The following IL1RAPL1 variants were observed in gnomAD, a reference collection of about 807,000 sequenced individuals.
IL1RAPL1 encodes the protein interleukin-1 receptor accessory protein-like 1.
A neutral mutation model predicts 48.4 loss-of-function variants in IL1RAPL1; 3 were observed. The ratio of observed to expected loss-of-function variants is 0.06; its 90% CI spans 0.03 to 0.16. The LOEUF (loss-of-function observed/expected upper bound fraction) is 0.16, where lower values mean the gene tolerates loss of function less well. IL1RAPL1 is among the 10% of genes least tolerant of loss of function. IL1RAPL1 has a pLI of 1.00. For missense variants in IL1RAPL1, 349 were observed against 530.6 expected (o/e 0.66, Z 3.36); for synonymous variants, 185 against 187.7 (o/e 0.99, Z 0.12).
At chrX:28,909,988 G>C (rs1188605659) in intron 2 of IL1RAPL1, among the ~76,000 whole-genome samples, 1 of 111,347 alleles carries the variant, frequency 9.0e-6, no homozygotes, top group East Asian at 2.8e-4. Context: ...GTGAAATTTG[G>C]AGTATTGTAT....
chrX:29,767,307 A>G (rs1928938883), intron 6 of IL1RAPL1, among the ~76,000 whole-genome samples: 2 of 112,058 alleles, frequency 1.8e-5, no homozygotes, highest in Non-Finnish European at 3.8e-5. Flanking sequence ...TATTTTACCC[A>G]TAATACTGCA....
chrX:29,291,634 T>G (rs1932373215), intron 3 of IL1RAPL1, among the ~76,000 whole-genome samples: 1 of 110,777 alleles, frequency 9.0e-6, no homozygotes, highest in Admixed American at 9.7e-5. Context: ...CAACTCCCAC[T>G]TCTTAATTAG....
At chrX:29,715,187 G>A (rs934425629) in intron 6 of IL1RAPL1, among the ~76,000 whole-genome samples, 4 of 111,394 alleles carry the variant, frequency 3.6e-5, no homozygotes, top group African/African-American at 1.3e-4. Flanking sequence ...GGAGTTTTGG[G>A]TTATAACTCA....
chrX:28,881,915 A>C (rs1439855869), intron 2 of IL1RAPL1, among the ~76,000 whole-genome samples: 1 of 110,642 alleles, frequency 9.0e-6, no homozygotes, highest in Non-Finnish European at 1.9e-5. Context: ...CAATATGTGT[A>C]TTATGGATGT....
At chrX:29,223,525 A>G (rs1931022169) in intron 2 of IL1RAPL1, among the ~76,000 whole-genome samples, 1 of 107,947 alleles carries the variant, frequency 9.3e-6, no homozygotes, top group Non-Finnish European at 1.9e-5. Context: ...ACATGTTACT[A>G]TATTGCAAAT....
At chrX:29,735,053 T>C (rs977548830) in intron 6 of IL1RAPL1, among the ~76,000 whole-genome samples, 1 of 112,307 alleles carries the variant, frequency 8.9e-6, no homozygotes, top group South Asian at 3.7e-4. Flanking sequence ...AATATTCCAA[T>C]TTATTATTTT....
intron 5 of IL1RAPL1, among the ~76,000 whole-genome samples, chrX:29,449,121 T>C (rs1331029284): frequency 9.0e-6 from 1 of 111,456 alleles, no homozygotes; most frequent in Non-Finnish European, 1.9e-5. Flanking sequence ...TTTACAACGA[T>C]CCAATGAAAG....
chrX:28,907,586 G>A (rs777443827), intron 2 of IL1RAPL1, among the ~76,000 whole-genome samples: 1 of 112,723 alleles, frequency 8.9e-6, no homozygotes, highest in South Asian at 3.6e-4. Context: ...AACCAGCATT[G>A]CATACCTGGT....
intron 6 of IL1RAPL1, among the ~76,000 whole-genome samples, chrX:29,866,826 C>T (rs1312577607): frequency 9.2e-6 from 1 of 109,111 alleles, no homozygotes; most frequent in African/African-American, 3.3e-5. Flanking sequence ...TTAATATGAT[C>T]ATTGCAATAG....
chrX:28,981,022 T>C (rs1925318433), intron 2 of IL1RAPL1, among the ~76,000 whole-genome samples: 1 of 92,897 alleles, frequency 1.1e-5, no homozygotes, highest in African/African-American at 4.2e-5. Context: ...GCCTGGGAGA[T>C]TGAGAGTGCC....
At chrX:29,822,839 A>G (rs1042051275) in intron 6 of IL1RAPL1, among the ~76,000 whole-genome samples, 2 of 111,986 alleles carry the variant, frequency 1.8e-5, no homozygotes, top group Non-Finnish European at 3.8e-5. Context: ...TAACAATGTG[A>G]TACTACAGTA....
intron 1 of IL1RAPL1, among the ~76,000 whole-genome samples, chrX:28,614,277 C>T (rs775531960): frequency 9.0e-6 from 1 of 110,545 alleles, no homozygotes; most frequent in East Asian, 2.8e-4. Context: ...TGAGATTTGA[C>T]CAAATGAAAA....
chrX:29,072,228 A>G (rs1455077179), intron 2 of IL1RAPL1, among the ~76,000 whole-genome samples: 6 of 111,150 alleles, frequency 5.4e-5, no homozygotes, highest in Non-Finnish European at 1.1e-4. Context: ...CATTAAGGAA[A>G]AAAAAAAAAT....
At chrX:29,662,575 A>C (rs1484671453) in intron 5 of IL1RAPL1, among the ~76,000 whole-genome samples, 1 of 112,221 alleles carries the variant, frequency 8.9e-6, no homozygotes, top group African/African-American at 3.2e-5. Flanking sequence ...TATTTTAAAA[A>C]TATTTTTTGA....
At chrX:29,332,012 C>T (rs1932888862) in intron 3 of IL1RAPL1, among the ~76,000 whole-genome samples, 1 of 102,230 alleles carries the variant, frequency 9.8e-6, no homozygotes, top group South Asian at 4.6e-4. Flanking sequence ...ATTATTATTA[C>T]TATGATTGTT....
chrX:28,693,622 T>C (rs983375663), intron 1 of IL1RAPL1, among the ~76,000 whole-genome samples: 2 of 112,495 alleles, frequency 1.8e-5, no homozygotes, highest in African/African-American at 6.5e-5. Context: ...GTATTTCAAG[T>C]ATTAAATTGG....
At chrX:29,610,121 A>G (rs1414827036) in intron 5 of IL1RAPL1, among the ~76,000 whole-genome samples, 1 of 111,927 alleles carries the variant, frequency 8.9e-6, no homozygotes, top group Non-Finnish European at 1.9e-5. Flanking sequence ...CTAGTGAAGC[A>G]GTTATCAGAA....
At chrX:29,519,872 C>T (rs1368746151) in intron 5 of IL1RAPL1, among the ~76,000 whole-genome samples, 5 of 111,701 alleles carry the variant, frequency 4.5e-5, no homozygotes, top group Non-Finnish European at 9.4e-5. Flanking sequence ...CCCGGTTGCT[C>T]ACAGCAGTAA....
intron 5 of IL1RAPL1, among the ~76,000 whole-genome samples, chrX:29,429,879 TATGTGTGTGTGTGTG>T (rs1398493038): frequency 7.1e-4 from 42 of 59,231 alleles, no homozygotes; most frequent in African/African-American, 3.4e-3. Flanking sequence ...AGTGTATATA[TATGTGTGTGTGTGTG>T]GTGTGTGTGT....
Sources: gnomAD v4.1 joint callset for allele counts (sites outside exome capture counted in the v4.1 genomes callset) on GRCh38, gnomAD v4.1.1 for gene constraint, MANE v1.5 for transcripts, NCBI Gene and HGNC (gene_info 2026-07-23, HGNC 2026-07-21) for gene names.